C12orf42: variants seen among roughly 807,000 people sequenced by gnomAD.
The protein encoded by C12orf42 is chromosome 12 open reading frame 42, also known as uncharacterized protein C12orf42.
C12orf42 carries 25 observed loss-of-function variants against 21.6 expected under a neutral mutation model. That is an observed-to-expected ratio of 1.16 (90% CI 0.84 to 1.62). C12orf42 has a LOEUF of 1.62. Ranked by LOEUF, C12orf42 falls within the 40% of genes most tolerant of loss-of-function variation. C12orf42 has a pLI of 0.00. For synonymous variants in C12orf42, 174 were observed against 175.0 expected (o/e 0.99, Z 0.05); for missense variants, 483 against 459.3 (o/e 1.05, Z -0.47).
chr12:103,263,334 T>C (rs2035004647), exon 10 of C12orf42: 1 of 152,048 alleles, frequency 6.6e-6, no homozygotes, highest in Non-Finnish European at 1.5e-5. Flanking sequence ...ACCTTCTATT[T>C]GAGGTAGGAG....
chr12:103,294,583 G>GGAAGGAAGGAAGGAAAGAAAGAAA (rs1300203895), intron 4 of C12orf42, among the ~76,000 whole-genome samples: 87 of 80,302 alleles, frequency 1.1e-3, no homozygotes, highest in South Asian at 2.7e-3. Context: ...AAGGAAGGAA[G>GGAAGGAAGGAAGGAAAGAAAGAAA]GAAAGAAAGA....
At chr12:103,113,261 G>T in the C12orf42 span, among the ~76,000 whole-genome samples, 1 of 152,128 alleles carries the variant, frequency 6.6e-6, no homozygotes, top group African/African-American at 2.4e-5. Context: ...GTGGTAGTGG[G>T]TTACTGCTTT....
chr12:103,059,524 A>G, the C12orf42 span, among the ~76,000 whole-genome samples: 1 of 152,316 alleles, frequency 6.6e-6, no homozygotes, highest in Non-Finnish European at 1.5e-5. Flanking sequence ...CACACAACGA[A>G]AAAAGAAAAC....
the C12orf42 span, among the ~76,000 whole-genome samples, chr12:103,537,185 G>C: frequency 6.6e-6 from 1 of 152,040 alleles, no homozygotes; most frequent in Admixed American, 6.6e-5. Context: ...CTTTAGCAAA[G>C]ACAGCTTCCA....
chr12:103,289,309 A>G (rs1255005489), intron 4 of C12orf42, among the ~76,000 whole-genome samples: 1 of 152,132 alleles, frequency 6.6e-6, no homozygotes, highest in African/African-American at 2.4e-5. Context: ...TTTGTTTTGG[A>G]CCAAATATTT....
chr12:103,137,116 A>C, the C12orf42 span, among the ~76,000 whole-genome samples: 1 of 152,202 alleles, frequency 6.6e-6, no homozygotes, highest in African/African-American at 2.4e-5. Context: ...AAATATTTGC[A>C]AACTATTCAT....
chr12:103,338,359 G>T (rs1424243087), intron 4 of C12orf42, among the ~76,000 whole-genome samples: 3 of 152,160 alleles, frequency 2.0e-5, no homozygotes, highest in Non-Finnish European at 4.4e-5. Flanking sequence ...TTCCTCTGAA[G>T]TTCCACACCA....
chr12:103,234,714 T>C (rs530461035), downstream of C12orf42, among the ~76,000 whole-genome samples: 1 of 152,314 alleles, frequency 6.6e-6, no homozygotes, highest in East Asian at 1.9e-4. Flanking sequence ...TCTTCTATTA[T>C]AATGTCTTTC....
rs765851368 is a variant in C12orf42 at position 103,302,546 on chromosome 12, T to G, written c.645A>C (p.Arg215Ser). 1.9e-6 allele frequency: 3 copies of G among 1,606,628 alleles called. No homozygotes were observed. Among genetic ancestry groups the G allele is most frequent in the Non-Finnish European group, 1.7e-6 (2 of 1,176,702 alleles). The change falls in exon 6 of 6, where the codon AGA (arginine) becomes AGC (serine). Residue 215 changes from arginine to serine, a missense_variant. Coordinates refer to ENST00000548883, the MANE Select transcript of C12orf42 (RefSeq NM_198521.5). ...SPKKNSGSAA[R>S]PSTAIGLCRR... ...TGCAGAGGCCGATGGCAGTGGAAGG[T>G]CTGGCGGCAGAACCTGGAAGGCAAA... is the stretch of plus-strand genomic sequence containing the variant.
At chr12:103,362,493 G>T (rs938789987) in intron 4 of C12orf42, among the ~76,000 whole-genome samples, 1 of 151,908 alleles carries the variant, frequency 6.6e-6, no homozygotes, top group Non-Finnish European at 1.5e-5. Context: ...ACCAGCAATG[G>T]ATCCAAACCA....
the C12orf42 span, among the ~76,000 whole-genome samples, chr12:103,082,182 G>A: frequency 1.3e-5 from 2 of 152,210 alleles, no homozygotes; most frequent in Non-Finnish European, 2.9e-5. Context: ...CCAACTGGAA[G>A]TGTTTAAAGG....
chr12:103,411,106 C>A (rs1213999370), intron 2 of C12orf42, among the ~76,000 whole-genome samples: 2 of 152,198 alleles, frequency 1.3e-5, no homozygotes, highest in African/African-American at 4.8e-5. Flanking sequence ...GCAGTTGTTT[C>A]CATCCTCCCT....
chr12:103,275,320 C>A (rs2035702503), intron 5 of C12orf42, among the ~76,000 whole-genome samples: 1 of 151,978 alleles, frequency 6.6e-6, no homozygotes, highest in East Asian at 1.9e-4. Flanking sequence ...CATGAACAGC[C>A]ATATACCAAT....
At chr12:103,552,193 T>C in the C12orf42 span, among the ~76,000 whole-genome samples, 1 of 152,140 alleles carries the variant, frequency 6.6e-6, no homozygotes, top group Non-Finnish European at 1.5e-5. Flanking sequence ...GAAAATTAGG[T>C]TTGCTCATTT....
At chr12:103,194,097 G>A in the C12orf42 span, among the ~76,000 whole-genome samples, 1 of 150,232 alleles carries the variant, frequency 6.7e-6, no homozygotes, top group Non-Finnish European at 1.5e-5. Context: ...AATAGATGCA[G>A]AAAAAGCATT....
the C12orf42 span, among the ~76,000 whole-genome samples, chr12:103,048,751 G>T: frequency 6.6e-6 from 1 of 152,142 alleles, no homozygotes; most frequent in African/African-American, 2.4e-5. Context: ...CATGCTTCTG[G>T]ATTCGCCTTG....
chr12:103,432,489 T>TA (rs1950338528), intron 2 of C12orf42, among the ~76,000 whole-genome samples: 1 of 152,200 alleles, frequency 6.6e-6, no homozygotes, highest in African/African-American at 2.4e-5. Flanking sequence ...TCTAGAACCT[T>TA]ACTTGATGTG....
chr12:103,473,518 T>C (rs1200143935), intron 2 of C12orf42, among the ~76,000 whole-genome samples: 1 of 152,208 alleles, frequency 6.6e-6, no homozygotes, highest in Non-Finnish European at 1.5e-5. Flanking sequence ...CCAGTCTCAC[T>C]CCATACAGTG....
the C12orf42 span, among the ~76,000 whole-genome samples, chr12:103,524,511 C>CTGTGCTTGGGTTT: frequency 2.0e-5 from 3 of 152,190 alleles, no homozygotes; most frequent in Non-Finnish European, 4.4e-5. Context: ...AAACCCTGGG[C>CTGTGCTTGGGTTT]AAGTCCTCCC....
Sources: allele counts gnomAD v4.1 joint callset (sites outside exome capture counted in the v4.1 genomes callset), GRCh38; gene constraint gnomAD v4.1.1; transcripts MANE v1.5; gene names NCBI Gene and HGNC (gene_info 2026-07-23, HGNC 2026-07-21).